Variants in CACNA1C observed in about 807,000 individuals in gnomAD.
CACNA1C encodes the protein voltage-dependent L-type calcium channel subunit alpha-1C.
A neutral mutation model predicts 229.0 loss-of-function variants in CACNA1C; 30 were observed. The ratio of observed to expected loss-of-function variants is 0.13; its 90% CI spans 0.10 to 0.18. The LOEUF is 0.18. Among genes scored for constraint, CACNA1C ranks in the 10% least tolerant of loss-of-function variants. The probability of loss-of-function intolerance (pLI) is 1.00; values close to 1 mark genes in which losing one functional copy is unlikely to be tolerated. For missense variants in CACNA1C, 1,658 were observed against 2,845.0 expected (o/e 0.58, Z 9.49); for synonymous variants, 1,114 against 1,132.5 (o/e 0.98, Z 0.33).
At chr12:2,432,873 T>G (rs1443686096) in intron 3 of CACNA1C, among the ~76,000 whole-genome samples, 2 of 152,092 alleles carry the variant, frequency 1.3e-5, no homozygotes, top group Non-Finnish European at 2.9e-5. Context: ...CTGTTAGTCT[T>G]CTGCTGCCTT....
intron 3 of CACNA1C, among the ~76,000 whole-genome samples, chr12:2,183,112 A>G (rs2096889917): frequency 1.3e-5 from 2 of 152,134 alleles, no homozygotes; most frequent in African/African-American, 2.4e-5. Flanking sequence ...GCCTCAAACA[A>G]TCCTCCCATC....
intron 3 of CACNA1C, among the ~76,000 whole-genome samples, chr12:2,367,552 T>C (rs913947822): frequency 1.3e-5 from 2 of 152,190 alleles, no homozygotes; most frequent in African/African-American, 4.8e-5. Flanking sequence ...AAACAGAAAA[T>C]GTATCCATAT....
chr12:2,043,626 A>G (rs924672837), intron 1 of CACNA1C, among the ~76,000 whole-genome samples: 1 of 151,442 alleles, frequency 6.6e-6, no homozygotes, highest in Non-Finnish European at 1.5e-5. Flanking sequence ...CCCAGAGGAG[A>G]AGAAAACAGA....
intron 1 of CACNA1C, among the ~76,000 whole-genome samples, chr12:2,031,981 G>C (rs1215960812): frequency 8.5e-6 from 1 of 117,152 alleles, no homozygotes; most frequent in Non-Finnish European, 1.7e-5. Flanking sequence ...GTGAGTGTGT[G>C]TGTGAGTGTG....
At chr12:2,655,289 C>A in intron 34 of CACNA1C, 51 bp downstream of exon 34, 5 of 1,132,374 alleles carry the variant, frequency 4.4e-6, no homozygotes, top group Non-Finnish European at 6.6e-6. Flanking sequence ...CTGCATGGTG[C>A]CACACTGTGG....
chr12:2,141,397 C>A (rs2094170496), intron 3 of CACNA1C, among the ~76,000 whole-genome samples: 1 of 151,166 alleles, frequency 6.6e-6, no homozygotes, highest in Non-Finnish European at 1.5e-5. Flanking sequence ...GGGAAGAAAG[C>A]CCTGGACGGT....
chr12:2,440,877 A>T (rs138353801), intron 3 of CACNA1C, among the ~76,000 whole-genome samples: 7 of 152,294 alleles, frequency 4.6e-5, no homozygotes, highest in Non-Finnish European at 7.3e-5. Context: ...CGGCAAGTGG[A>T]GCAAAGTGCT....
At chr12:2,064,159 TGAAACAAAAAC>T (rs2058504664) in intron 1 of CACNA1C, among the ~76,000 whole-genome samples, 1 of 152,100 alleles carries the variant, frequency 6.6e-6, no homozygotes. Context: ...AAAAACAAAA[TGAAACAAAAAC>T]GAAACAAAAA....
chr12:2,070,257 G>T (rs1426590367), intron 1 of CACNA1C, among the ~76,000 whole-genome samples: 7 of 152,342 alleles, frequency 4.6e-5, no homozygotes, highest in African/African-American at 1.7e-4. Context: ...TCCCATGTTT[G>T]CCTGGCCTTG....
rs185164815 is a variant in CACNA1C at position 2,021,815 on chromosome 12, C to T, written c.139+50614C>T. Among the ~76,000 whole-genome samples, 55 of 152,322 alleles carry T rather than the reference C, an allele frequency of 3.6e-4. 1 individual carries two copies. The East Asian group carries it at 9.1e-3, about 25-fold the overall frequency. ...AAGAGAGAGATATGCAAGTCCTTTT[C>T]ATGGTGGTGTTAATCCACTCATGAG... On this transcript the variant is annotated intron_variant, in intron 1 of 46. Coordinates refer to the CACNA1C transcript ENST00000682462.
chr12:2,406,013 A>G (rs1295543739), intron 3 of CACNA1C, among the ~76,000 whole-genome samples: 2 of 152,176 alleles, frequency 1.3e-5, no homozygotes, highest in Non-Finnish European at 2.9e-5. Flanking sequence ...TCATTTGTGA[A>G]GAATATTTGC....
chr12:2,265,709 G>A (rs1281337527), intron 3 of CACNA1C, among the ~76,000 whole-genome samples: 4 of 152,216 alleles, frequency 2.6e-5, no homozygotes, highest in African/African-American at 9.7e-5. Context: ...AATGTGCCTG[G>A]TAGCAAGGAT....
rs990502985 is a variant in CACNA1C at position 2,674,370 on chromosome 12, G to A, written c.4727-171G>A. ...AAGGTGGACAGAGGAAGGGGAAGAG[G>A]AAGGAGGTGGAAAATGGGAAGACTG... On this transcript the variant is annotated intron_variant, in intron 38 of 46. Transcript: ENST00000399655. 4.4e-6 allele frequency: 4 copies of A among 914,722 alleles called. No homozygotes were observed. The South Asian group carries it at 5.9e-5, about 13-fold the overall frequency. The allele number at this position is 914,722 out of a possible 1,614,324, so 56.7% of individuals were successfully genotyped here. A position where few individuals can be genotyped will look rare whatever the true frequency, so the allele number is the denominator to read the frequency against.
chr12:2,673,914 T>G (rs999248984), intron 38 of CACNA1C, among the ~76,000 whole-genome samples: 13 of 152,220 alleles, frequency 8.5e-5, no homozygotes, highest in African/African-American at 2.9e-4. Flanking sequence ...TGTACCCTGA[T>G]GAGGAGCATC....
At chr12:2,600,089 A>G (rs1312468024) in intron 21 of CACNA1C, among the ~76,000 whole-genome samples, 1 of 152,188 alleles carries the variant, frequency 6.6e-6, no homozygotes, top group Non-Finnish European at 1.5e-5. Flanking sequence ...AGAAGGGATC[A>G]GACCCAGTGC....
At chr12:2,018,563 A>T (rs1156662846) in intron 1 of CACNA1C, among the ~76,000 whole-genome samples, 1 of 152,218 alleles carries the variant, frequency 6.6e-6, no homozygotes, top group Non-Finnish European at 1.5e-5. Context: ...GCTGAAGTTT[A>T]TGGCTGTGGA....
At chr12:2,589,580 CAGA>C (rs1195228619) in intron 18 of CACNA1C, among the ~76,000 whole-genome samples, 1 of 152,190 alleles carries the variant, frequency 6.6e-6, no homozygotes, top group Non-Finnish European at 1.5e-5. Flanking sequence ...GAGGGCAGGG[CAGA>C]AGGCGCAGGG....
intron 1 of CACNA1C, among the ~76,000 whole-genome samples, chr12:2,106,548 G>A (rs2078748795): frequency 3.4e-5 from 4 of 118,262 alleles, no homozygotes; most frequent in Admixed American, 7.9e-5. Context: ...CCCTGGAGAG[G>A]GTTTCCACCT....
At chr12:2,565,385 T>C (rs941735617) in intron 11 of CACNA1C, among the ~76,000 whole-genome samples, 6 of 148,544 alleles carry the variant, frequency 4.0e-5, no homozygotes, top group Non-Finnish European at 7.4e-5. Context: ...GAGAATGGCG[T>C]GAACCCGGGA....
Sources: allele counts gnomAD v4.1 joint callset (sites outside exome capture counted in the v4.1 genomes callset), GRCh38; gene constraint gnomAD v4.1.1; transcripts MANE v1.5; gene names NCBI Gene and HGNC (gene_info 2026-07-23, HGNC 2026-07-21).